ZFPM2: variants seen among roughly 807,000 people sequenced by gnomAD.
ZFPM2 encodes zinc finger protein ZFPM2.
Under a neutral mutation model 98.6 loss-of-function variants are expected in ZFPM2, and 20 were observed. The observed-to-expected ratio is 0.20, with a 90% CI of 0.14 to 0.29. ZFPM2 has a LOEUF of 0.29. Ranked by LOEUF, ZFPM2 falls within the 10% of genes least tolerant of loss-of-function variation. ZFPM2 has a pLI of 1.00. For synonymous variants in ZFPM2, 518 were observed against 502.7 expected (o/e 1.03, Z -0.41); for missense variants, 1,310 against 1,388.6 (o/e 0.94, Z 0.90).
chr8:105,541,054 C>T (rs1375420154), intron 3 of ZFPM2, among the ~76,000 whole-genome samples: 1 of 151,898 alleles, frequency 6.6e-6, no homozygotes, highest in South Asian at 2.1e-4. Flanking sequence ...TTTTCTTTTC[C>T]GTAGTTAAAG....
chr8:105,803,650 A>T lies in ZFPM2; in HGVS notation c.*112A>T. On this transcript the variant is annotated 3_prime_UTR_variant, in exon 8 of 8. Transcript: ENST00000407775. Reference sequence around the variant, plus strand: ...CATCTGGGCAATCAGGAGATAATTCATTATGGCTGAGTTGAAGACTTAAGG... The same window carrying T: ...CATCTGGGCAATCAGGAGATAATTCTTTATGGCTGAGTTGAAGACTTAAGG... The T allele has an allele frequency of 9.3e-7, 1 of 1,074,256 alleles. No homozygotes were observed. The highest frequency in any genetic ancestry group is 1.4e-6 in the Non-Finnish European group (1 of 736,280). The allele number at this position is 1,074,256 out of a possible 1,614,324, so 66.5% of individuals were successfully genotyped here.
At chr8:105,520,394 A>G (rs1814026514) in intron 3 of ZFPM2, among the ~76,000 whole-genome samples, 1 of 152,198 alleles carries the variant, frequency 6.6e-6, no homozygotes, top group South Asian at 2.1e-4. Flanking sequence ...ACTTACTAAT[A>G]TCAACGGGAT....
intron 1 of ZFPM2, among the ~76,000 whole-genome samples, chr8:105,393,529 T>A (rs1348793393): frequency 6.6e-6 from 1 of 152,150 alleles, no homozygotes; most frequent in African/African-American, 2.4e-5. Context: ...TAAACTCTTT[T>A]CAGAGCTTGG....
intron 5 of ZFPM2, among the ~76,000 whole-genome samples, chr8:105,766,751 C>T (rs1383293176): frequency 6.6e-6 from 1 of 151,718 alleles, no homozygotes; most frequent in Non-Finnish European, 1.5e-5. Context: ...ATTTCTCAGA[C>T]CTATAAATCT....
intron 3 of ZFPM2, among the ~76,000 whole-genome samples, chr8:105,478,050 C>T (rs971004889): frequency 3.3e-5 from 5 of 152,202 alleles, no homozygotes; most frequent in African/African-American, 1.2e-4. Flanking sequence ...GAACATGGAA[C>T]TCTGATCCAA....
At chr8:105,497,283 C>T (rs1271993593) in intron 3 of ZFPM2, among the ~76,000 whole-genome samples, 2 of 152,076 alleles carry the variant, frequency 1.3e-5, no homozygotes, top group African/African-American at 4.8e-5. Flanking sequence ...CCAAGCCTGG[C>T]CTAAGTGACT....
At chr8:105,346,047 A>C (rs1438442064) in intron 1 of ZFPM2, among the ~76,000 whole-genome samples, 1 of 152,174 alleles carries the variant, frequency 6.6e-6, no homozygotes, top group Non-Finnish European at 1.5e-5. Context: ...GGAAAGAAAA[A>C]CATACAGGTG....
intron 3 of ZFPM2, among the ~76,000 whole-genome samples, chr8:105,546,370 A>T (rs1317740385): frequency 6.6e-6 from 1 of 151,988 alleles, no homozygotes; most frequent in African/African-American, 2.4e-5. Flanking sequence ...TGAGGCCGGG[A>T]GTTCAAGACC....
intron 5 of ZFPM2, among the ~76,000 whole-genome samples, chr8:105,692,709 T>C (rs1319623856): frequency 3.3e-5 from 5 of 152,228 alleles, no homozygotes; most frequent in Non-Finnish European, 7.3e-5. Context: ...TTTTGGAATT[T>C]GTTGTAAACA....
chr8:105,742,041 A>G (rs1812226679), intron 5 of ZFPM2, among the ~76,000 whole-genome samples: 2 of 152,020 alleles, frequency 1.3e-5, no homozygotes, highest in African/African-American at 4.8e-5. Context: ...GTGAAGTTAA[A>G]GAATGTTGGA....
In ZFPM2 at chr8:105,801,283, C is replaced by T. The variant is rs1465002662; in HGVS notation, c.1201C>T (p.Pro401Ser). ...CAGAGAAAGTGACATGGAACACTCT[C>T]CAAGTGCAACTGAAGACAGCTTACA... is the stretch of plus-strand genomic sequence containing the variant. ...LPRESDMEHS[P>S]SATEDSLQPA... is the part of the protein sequence containing the mutation. Residue 401 changes from proline (P) to serine (S), a missense_variant, in exon 8 of 8, where the codon CCA (proline) becomes TCA (serine). Physicochemically the swap from Pro to Ser is moderately conservative, Grantham distance 74. Transcript: ENST00000407775. 1 of 1,613,792 alleles carries T rather than the reference C, an allele frequency of 6.2e-7. No individual in the cohort carries two copies. The highest frequency in any genetic ancestry group is 1.3e-5 in the African/African-American group (1 of 74,906).
rs1382791207 is a variant in ZFPM2, at chr8:105,318,991, C to G, written c.40+10C>G. The G allele has an allele frequency of 3.4e-6, 5 of 1,490,474 alleles. No homozygotes were observed. The South Asian group carries it at 6.4e-5, about 19-fold the overall frequency. 92.3% of individuals were successfully genotyped at this position (1,490,474 alleles called of 1,614,324 possible). On this transcript the variant is annotated intron_variant, in intron 1 of 7. Transcript: ENST00000407775. ...CCCCGGCAGATCAAACGTAAGTTTG[C>G]GCGCGGGGCCGGGAGTTGGTGGGAT...
chr8:105,482,374 G>T (rs561722520), intron 3 of ZFPM2, among the ~76,000 whole-genome samples: 47 of 152,100 alleles, frequency 3.1e-4, no homozygotes, highest in African/African-American at 1.1e-3. Flanking sequence ...CATACAGGCA[G>T]ATTTTTAAAA....
At chr8:105,515,485 A>G (rs943489449) in intron 3 of ZFPM2, among the ~76,000 whole-genome samples, 11 of 152,314 alleles carry the variant, frequency 7.2e-5, no homozygotes, top group African/African-American at 2.4e-4. Flanking sequence ...CTCACTCAGT[A>G]TCTTATTTTT....
intron 5 of ZFPM2, among the ~76,000 whole-genome samples, chr8:105,770,609 C>A (rs1254705017): frequency 6.6e-6 from 1 of 152,034 alleles, no homozygotes; most frequent in Non-Finnish European, 1.5e-5. Flanking sequence ...CCATTTATAA[C>A]TCAACCTTAG....
Position 105,682,687 on chromosome 8 carries a change from C to T in ZFPM2, c.532+48330C>T, listed in dbSNP as rs534496991. Among the ~76,000 whole-genome samples the T allele has an allele frequency of 3.9e-5, 6 of 152,214 alleles. No homozygotes were observed. The South Asian group carries it at 1.2e-3, about 32-fold the overall frequency. On this transcript the variant is annotated intron_variant, in intron 5 of 7. Coordinates refer to ENST00000407775, the MANE Select transcript of ZFPM2 (RefSeq NM_012082.4). ...TAGAGAAGAATGGCCAGAACTCAGT[C>T]ATATGCTATATCTACTTGCAAGGGA...
chr8:105,634,250 C>T lies in ZFPM2; in HGVS notation c.425C>T (p.Thr142Ile), dbSNP rs537462675. 1.9e-6 allele frequency: 3 copies of T among 1,611,088 alleles called. No homozygotes were observed. Among genetic ancestry groups the T allele is most frequent in the African/African-American group, 2.7e-5 (2 of 74,994 alleles). ...KMDLNNNSLK[T>I]KAQVPMVLTA... Reference sequence around the variant, plus strand: ...TTGTTATCATTCTTTCTACAGAAGACAAAGGCTCAGGTCCCAATGGTGCTG... The same window carrying T: ...TTGTTATCATTCTTTCTACAGAAGATAAAGGCTCAGGTCCCAATGGTGCTG... The change falls in exon 5 of 8, where the codon ACA becomes ATA. Residue 142 changes from threonine to isoleucine, a missense_variant. Thr to Ile is a moderately conservative substitution (Grantham distance 89). Coordinates refer to ENST00000407775, the MANE Select transcript of ZFPM2 (RefSeq NM_012082.4).
intron 5 of ZFPM2, among the ~76,000 whole-genome samples, chr8:105,674,191 T>C (rs1817647755): frequency 6.6e-6 from 1 of 152,192 alleles, no homozygotes; most frequent in Non-Finnish European, 1.5e-5. Flanking sequence ...ATGCAGATAA[T>C]GCAGACGCTC....
intron 1 of ZFPM2, among the ~76,000 whole-genome samples, chr8:105,330,603 T>TACAC (rs1297945439): frequency 0.14 from 4,804 of 33,584 alleles, 168 homozygotes; most frequent in African/African-American, 0.2. Context: ...TACATATATA[T>TACAC]ATATATACAC....
Sources: allele counts gnomAD v4.1 joint callset (sites outside exome capture counted in the v4.1 genomes callset), GRCh38; gene constraint gnomAD v4.1.1; transcripts MANE v1.5; gene names NCBI Gene and HGNC (gene_info 2026-07-23, HGNC 2026-07-21).